Variants in N4BP2 observed in about 807,000 individuals in gnomAD.
The protein encoded by N4BP2 is NEDD4-binding protein 2.
N4BP2 carries 91 observed loss-of-function variants against 152.8 expected under a neutral mutation model. The ratio of observed to expected loss-of-function variants is 0.60; its 90% CI spans 0.50 to 0.71. N4BP2 has a LOEUF of 0.71. Ranked by LOEUF, N4BP2 falls within the 30% of genes least tolerant of loss-of-function variation. N4BP2 has a pLI of 0.00. For synonymous variants in N4BP2, 646 were observed against 705.3 expected, an observed-to-expected ratio of 0.92 and a Z score of 1.33; for missense variants, 1,923 against 2,059.1, an observed-to-expected ratio of 0.93 and a Z score of 1.28.
Position 40,126,184 on chromosome 4 carries a change from T to A in N4BP2, c.4381T>A (p.Ser1461Thr). The A allele has an allele frequency of 6.2e-7, 1 of 1,608,188 alleles. No homozygotes were observed. The highest frequency in any genetic ancestry group is 8.5e-7 in the Non-Finnish European group (1 of 1,178,216). ...GCTTGATAATCCTGAACAAAAATCATCTCAGAGAACAGGCAAAAAATTACT... is the reference window on the plus strand; with the variant it reads ...GCTTGATAATCCTGAACAAAAATCAACTCAGAGAACAGGCAAAAAATTACT... Reference protein sequence around the residue: ...TGLDNPEQKSSQRTGKKLLKT... With the variant: ...TGLDNPEQKSTQRTGKKLLKT... Residue 1461 changes from serine (S) to threonine (T), a missense_variant, in exon 12 of 18, where the codon TCT (serine) becomes ACT (threonine). Transcript: ENST00000261435.
chr4:40,187,147 A>G, the N4BP2 span, among the ~76,000 whole-genome samples: 2 of 152,260 alleles, frequency 1.3e-5, no homozygotes, highest in African/African-American at 2.4e-5. Flanking sequence ...TGGCCTCCCA[A>G]AGCTTTAGCC....
At chr4:40,159,592 G>A (rs982348279), downstream of N4BP2, among the ~76,000 whole-genome samples, 1 of 152,136 alleles carries the variant, frequency 6.6e-6, no homozygotes, top group African/African-American at 2.4e-5. Flanking sequence ...CTTAAAGATG[G>A]TTTTTGGAAC....
At chr4:40,139,362 G>A (rs1719693543) in intron 14 of N4BP2, among the ~76,000 whole-genome samples, 1 of 152,050 alleles carries the variant, frequency 6.6e-6, no homozygotes, top group Admixed American at 6.5e-5. Flanking sequence ...CTTCCAAAGT[G>A]CTAGGGTTAC....
rs973231791 is a variant in N4BP2 at position 40,156,824 on chromosome 4, T to C, written c.*2587T>C. The C allele has an allele frequency of 4.6e-5, 7 of 152,064 alleles. No individual in the cohort carries two copies. The highest frequency in any genetic ancestry group is 1.7e-4 in the African/African-American group (7 of 41,408). The allele number at this position is 152,064 out of a possible 1,614,324, so 9.4% of individuals were successfully genotyped here. A position where few individuals can be genotyped will look rare whatever the true frequency, so the allele number is the denominator to read the frequency against. On this transcript the variant is annotated 3_prime_UTR_variant, in exon 18 of 18. Coordinates refer to ENST00000261435, the MANE Select transcript of N4BP2 (RefSeq NM_018177.6). ...GAAATACTCACAGAGCATTTTACAT[T>C]TGTAGGTTAGCGATACTCAACAAGT...
At chr4:40,106,502 A>T (rs1716303829) in intron 4 of N4BP2, among the ~76,000 whole-genome samples, 1 of 151,834 alleles carries the variant, frequency 6.6e-6, no homozygotes, top group Admixed American at 6.6e-5. Context: ...TTTTTTGTAT[A>T]GTTGGGTTCT....
intron 1 of N4BP2, among the ~76,000 whole-genome samples, chr4:40,062,945 A>G (rs565280875): frequency 1.3e-5 from 2 of 152,302 alleles, no homozygotes; most frequent in South Asian, 2.1e-4. Context: ...TCATCTCACC[A>G]CATAGCGGTA....
In N4BP2 at chr4:40,141,691, C is replaced by T. The variant is rs565759476; in HGVS notation, c.4786-982C>T. On this transcript the variant is annotated intron_variant, in intron 14 of 17. Transcript: ENST00000261435. The stretch of plus-strand genomic sequence containing the variant: ...CTCACTTCCCAGACGGGGTGGCGGC[C>T]GGGCAGAGGCTGCAATCTCCGGCAC... 4.2e-3 allele frequency among the ~76,000 whole-genome samples: 645 copies of T among 152,020 alleles called. 4 individuals carry two copies. Among genetic ancestry groups the T allele is most frequent in the African/African-American group, 0.015 (607 of 41,492 alleles).
rs202128375 is a variant in N4BP2 at position 40,118,044 on chromosome 4, G to A, written c.1820+20G>A. On this transcript the variant is annotated intron_variant, in intron 8 of 17. Coordinates refer to ENST00000261435, the MANE Select transcript of N4BP2 (RefSeq NM_018177.6). ...CACTAGGTAGGTTAAAATGCCTTATGTACAAAATTCAATTTGAAATATAAT... is the reference window on the plus strand; with the variant it reads ...CACTAGGTAGGTTAAAATGCCTTATATACAAAATTCAATTTGAAATATAAT... 107 of 1,499,002 alleles carry A rather than the reference G, an allele frequency of 7.1e-5. No individual in the cohort carries two copies. Among genetic ancestry groups the A allele is most frequent in the African/African-American group, 5.7e-4 (40 of 69,936 alleles). The allele number at this position is 1,499,002 out of a possible 1,614,324, so 92.9% of individuals were successfully genotyped here. A position where few individuals can be genotyped will look rare whatever the true frequency, so the allele number is the denominator to read the frequency against.
At chr4:40,075,003 T>C (rs981472167) in intron 2 of N4BP2, among the ~76,000 whole-genome samples, 7 of 149,798 alleles carry the variant, frequency 4.7e-5, no homozygotes, top group Non-Finnish European at 8.9e-5. Context: ...TGAGACTCTG[T>C]AAAGAAAAAA....
chr4:40,117,748 AAGC>A, intron 7 of N4BP2, 118 bp from the exon 8 acceptor site: 1 of 738,006 alleles, frequency 1.4e-6, no homozygotes. Flanking sequence ...GGTCACAATA[AAGC>A]AGCTTTGATA....
chr4:40,072,751 A>G (rs1712335791), intron 1 of N4BP2, among the ~76,000 whole-genome samples: 1 of 148,708 alleles, frequency 6.7e-6, no homozygotes. Context: ...TTTGGGACAG[A>G]GCCTCTCTCT....
intron 16 of N4BP2, 105 bp from the exon 17 acceptor site, chr4:40,152,675 A>T (rs147472127): frequency 7.6e-7 from 1 of 1,312,468 alleles, no homozygotes; most frequent in East Asian, 2.3e-5. Context: ...AAACCCCAAA[A>T]TCCTCATGAA....
At position 40,142,864 on chromosome 4, in the gene N4BP2, A is replaced by C. The variant is rs747862512; in HGVS notation, c.4974+3A>C. 6.2e-7 allele frequency: 1 copy of C among 1,612,610 alleles called. No individual in the cohort carries two copies. The highest frequency in any genetic ancestry group is 1.7e-5 in the Admixed American group (1 of 59,530). ...TCGCCACCTTTTATGCCCAGCAGGTAAAGTGGAAAACTGATTATATATTTT... is the reference window on the plus strand; with the variant it reads ...TCGCCACCTTTTATGCCCAGCAGGTCAAGTGGAAAACTGATTATATATTTT... On this transcript the variant is annotated splice_donor_region_variant and intron_variant, in intron 15 of 17. Coordinates refer to ENST00000261435, the MANE Select transcript of N4BP2 (RefSeq NM_018177.6).
At position 40,121,492 on chromosome 4, in the gene N4BP2, TTC is replaced by T. The variant is rs767230180; in HGVS notation, c.3383_3384del (p.Ser1128Ter). The part of the protein sequence containing the change: ...IIWATSLLLD[S>X]ETKLCEDTEF... ...TTTGGGCCACAAGCCTTTTGTTGGA[TTC>T]TGAAACTAAGTTATGTGAGGATACA... is the stretch of plus-strand genomic sequence containing the variant. On this transcript the variant is annotated frameshift_variant, in exon 9 of 18. Coordinates refer to ENST00000261435, the MANE Select transcript of N4BP2 (RefSeq NM_018177.6). LOFTEE classifies it high-confidence loss of function. 1 of 1,614,190 alleles carries T rather than the reference TTC, an allele frequency of 6.2e-7. No individual in the cohort carries two copies. The highest frequency in any genetic ancestry group is 8.5e-7 in the Non-Finnish European group (1 of 1,180,016).
chr4:40,126,421 C>T, intron 12 of N4BP2, 91 bp downstream of exon 12: 2 of 611,956 alleles, frequency 3.3e-6, no homozygotes, highest in Non-Finnish European at 5.3e-6. Context: ...ATTTTCTAGT[C>T]TAGAATCCAT....
chr4:40,113,389 G>A, intron 6 of N4BP2, 43 bp from the exon 7 acceptor site: 1 of 1,325,114 alleles, frequency 7.5e-7, no homozygotes, highest in African/African-American at 1.5e-5. Flanking sequence ...TTAATTTCTT[G>A]GAAATACCTA....
intron 4 of N4BP2, among the ~76,000 whole-genome samples, chr4:40,105,840 C>G (rs1716222083): frequency 6.6e-6 from 1 of 152,106 alleles, no homozygotes; most frequent in Non-Finnish European, 1.5e-5. Context: ...CATGAGCTAC[C>G]ATACCCAGCC....
intron 1 of N4BP2, among the ~76,000 whole-genome samples, chr4:40,062,236 G>T (rs943644463): frequency 2.7e-4 from 41 of 151,824 alleles, no homozygotes; most frequent in African/African-American, 9.4e-4. Context: ...CCACCACCAC[G>T]CCCGGCTAAT....
Position 40,121,131 on chromosome 4 carries a change from C to G in N4BP2, c.3020C>G (p.Pro1007Arg). 1 of 1,614,084 alleles carries G rather than the reference C, an allele frequency of 6.2e-7. No individual in the cohort carries two copies. Among genetic ancestry groups the G allele is most frequent in the Non-Finnish European group, 8.5e-7 (1 of 1,180,016 alleles). ...ECQEQMPKRD[P>R]GKEVGMCTQT... ...CAAGAGCAAATGCCTAAGAGAGACC[C>G]TGGAAAAGAAGTAGGCATGTGCACC... The change falls in exon 9 of 18, where the codon CCT (proline) becomes CGT (arginine). Residue 1007 changes from proline to arginine, a missense_variant. By Grantham distance (103) the Pro-to-Arg change is moderately radical. Transcript: ENST00000261435.
Sources: allele counts gnomAD v4.1 joint callset (sites outside exome capture counted in the v4.1 genomes callset), GRCh38; gene constraint gnomAD v4.1.1; transcripts MANE v1.5; gene names NCBI Gene and HGNC (gene_info 2026-07-23, HGNC 2026-07-21).